FHIT: variants seen among roughly 807,000 people sequenced by gnomAD.
FHIT encodes fragile histidine triad diadenosine triphosphatase.
FHIT carries 19 observed loss-of-function variants against 17.9 expected under a neutral mutation model. The observed-to-expected ratio is 1.06, with a 90% CI of 0.74 to 1.56. The LOEUF (loss-of-function observed/expected upper bound fraction) is 1.56, where lower values mean the gene tolerates loss of function less well. Among genes scored for constraint, FHIT ranks in the 40% most tolerant of loss-of-function variants. The pLI is 0.00. For synonymous variants in FHIT, 81 were observed against 69.7 expected, an observed-to-expected ratio of 1.16 and a Z score of -0.81; for missense variants, 248 against 189.2, an observed-to-expected ratio of 1.31 and a Z score of -1.82.
intron 3 of FHIT, among the ~76,000 whole-genome samples, chr3:61,019,568 G>T (rs1241377591): frequency 6.6e-6 from 1 of 152,210 alleles, no homozygotes; most frequent in Admixed American, 6.5e-5. Flanking sequence ...ACCTAATGAG[G>T]TTCCAAAAAT....
At chr3:60,249,488 G>A (rs1470589366) in intron 5 of FHIT, among the ~76,000 whole-genome samples, 2 of 152,044 alleles carry the variant, frequency 1.3e-5, no homozygotes, top group African/African-American at 2.4e-5. Flanking sequence ...TCATTTGATT[G>A]GCTCAGGGGA....
At chr3:60,408,228 G>A (rs2107215595) in intron 5 of FHIT, among the ~76,000 whole-genome samples, 1 of 152,272 alleles carries the variant, frequency 6.6e-6, no homozygotes, top group South Asian at 2.1e-4. Flanking sequence ...TGCACGTGCT[G>A]CCCAGTTTCA....
chr3:60,489,223 C>A (rs1055516543), intron 5 of FHIT, among the ~76,000 whole-genome samples: 2 of 152,108 alleles, frequency 1.3e-5, no homozygotes, highest in Non-Finnish European at 2.9e-5. Flanking sequence ...AGGCATCAAT[C>A]CTAATTGGAA....
intron 5 of FHIT, among the ~76,000 whole-genome samples, chr3:60,522,607 G>T (rs80171647): frequency 0.072 from 10,908 of 152,208 alleles, 544 homozygotes; most frequent in South Asian, 0.19. Flanking sequence ...TAGAGATGTT[G>T]AGTACCAGAC....
chr3:61,016,180 A>G (rs533428508), intron 3 of FHIT, among the ~76,000 whole-genome samples: 2 of 152,340 alleles, frequency 1.3e-5, no homozygotes, highest in South Asian at 2.1e-4. Context: ...CTCTCATCAC[A>G]TTAACCATAT....
At chr3:61,122,485 A>C (rs1269593727) in intron 2 of FHIT, among the ~76,000 whole-genome samples, 1 of 152,244 alleles carries the variant, frequency 6.6e-6, no homozygotes. Flanking sequence ...CAATGGCAAC[A>C]AAAGCCAAAA....
At chr3:60,646,002 G>T (rs142480901) in intron 4 of FHIT, among the ~76,000 whole-genome samples, 1 of 152,102 alleles carries the variant, frequency 6.6e-6, no homozygotes, top group Non-Finnish European at 1.5e-5. Context: ...AATTACTCTC[G>T]AATAACTAGC....
intron 1 of FHIT, among the ~76,000 whole-genome samples, chr3:61,238,449 A>G (rs978895297): frequency 6.6e-6 from 1 of 152,194 alleles, no homozygotes; most frequent in African/African-American, 2.4e-5. Flanking sequence ...CAAAATAGCC[A>G]CTACCGCTGC....
In FHIT at chr3:60,483,074, T is replaced by C. The variant is rs2033682992; in HGVS notation, c.103+53786A>G. On this transcript the variant is annotated intron_variant, in intron 5 of 9. Transcript: ENST00000492590. ...ACCTCTATGCAAACAAACTAGAAAA[T>C]CTAGAAGAAATGGATAAATTCTGGG... is the stretch of plus-strand genomic sequence containing the variant. 2.6e-5 allele frequency among the ~76,000 whole-genome samples: 4 copies of C among 151,778 alleles called. No homozygotes were observed. In the South Asian group the frequency reaches 8.3e-4, roughly 32 times the overall value.
chr3:61,148,894 T>A (rs1159127014), intron 2 of FHIT, among the ~76,000 whole-genome samples: 3 of 152,206 alleles, frequency 2.0e-5, no homozygotes, highest in African/African-American at 4.8e-5. Context: ...TACTCCTAGA[T>A]GAAGAGTTCA....
chr3:60,826,655 C>T (rs1553741113), intron 3 of FHIT, among the ~76,000 whole-genome samples: 1 of 152,104 alleles, frequency 6.6e-6, no homozygotes, highest in African/African-American at 2.4e-5. Flanking sequence ...CAGTTCAGCC[C>T]GCAGAGGGAA....
At chr3:60,594,051 A>G (rs2038180063) in intron 4 of FHIT, among the ~76,000 whole-genome samples, 1 of 152,282 alleles carries the variant, frequency 6.6e-6, no homozygotes, top group South Asian at 2.1e-4. Context: ...ATATTTGAGT[A>G]AACACAAAAG....
intron 4 of FHIT, among the ~76,000 whole-genome samples, chr3:60,728,184 A>G (rs1023906007): frequency 4.6e-5 from 7 of 152,172 alleles, no homozygotes; most frequent in African/African-American, 9.6e-5. Flanking sequence ...ACTATGTCAC[A>G]TTTCTCAGTG....
At chr3:59,818,149 G>T (rs1391891319) in intron 8 of FHIT, among the ~76,000 whole-genome samples, 3 of 151,964 alleles carry the variant, frequency 2.0e-5, no homozygotes, top group Admixed American at 6.6e-5. Context: ...TCCAAAGAGG[G>T]AGGCAGAAAA....
chr3:61,188,297 T>G (rs767855518), intron 2 of FHIT, among the ~76,000 whole-genome samples: 90 of 152,230 alleles, frequency 5.9e-4, no homozygotes, highest in African/African-American at 1.3e-3. Context: ...GAGAATACTA[T>G]AAACACCTCT....
At chr3:60,441,235 T>C (rs2030770588) in intron 5 of FHIT, among the ~76,000 whole-genome samples, 1 of 152,064 alleles carries the variant, frequency 6.6e-6, no homozygotes, top group Non-Finnish European at 1.5e-5. Context: ...GAGCTATACC[T>C]TTGCCCTCTT....
At chr3:60,340,340 A>G (rs1710454588) in intron 5 of FHIT, among the ~76,000 whole-genome samples, 1 of 152,206 alleles carries the variant, frequency 6.6e-6, no homozygotes, top group African/African-American at 2.4e-5. Flanking sequence ...CCCATAATCA[A>G]CATACATGTA....
chr3:59,885,353 A>G (rs1258604584), intron 8 of FHIT, among the ~76,000 whole-genome samples: 3 of 152,134 alleles, frequency 2.0e-5, no homozygotes, highest in Non-Finnish European at 2.9e-5. Context: ...TCCACTGAAG[A>G]TAGTCTGAAG....
chr3:60,295,486 T>G (rs1708166187), intron 5 of FHIT, among the ~76,000 whole-genome samples: 1 of 151,806 alleles, frequency 6.6e-6, no homozygotes, highest in African/African-American at 2.4e-5. Flanking sequence ...AGGTGCCAGG[T>G]AGTTTTTGAG....
Sources: gnomAD v4.1 joint callset for allele counts (sites outside exome capture counted in the v4.1 genomes callset) on GRCh38, gnomAD v4.1.1 for gene constraint, MANE v1.5 for transcripts, NCBI Gene and HGNC (gene_info 2026-07-23, HGNC 2026-07-21) for gene names.